Variants in ZBTB20 observed in about 807,000 individuals in gnomAD.
ZBTB20 encodes the protein zinc finger and BTB domain containing 20.
A neutral mutation model predicts 56.9 loss-of-function variants in ZBTB20; 9 were observed. The ratio of observed to expected loss-of-function variants is 0.16; its 90% CI spans 0.10 to 0.28. ZBTB20 has a LOEUF of 0.28. Among genes scored for constraint, ZBTB20 ranks in the 10% least tolerant of loss-of-function variants. The pLI is 1.00. For synonymous variants in ZBTB20, 417 were observed against 420.7 expected, an observed-to-expected ratio of 0.99 and a Z score of 0.11; for missense variants, 655 against 1,003.0, an observed-to-expected ratio of 0.65 and a Z score of 4.69.
chr3:114,500,783 CATTT>C (rs1326948399), intron 6 of ZBTB20, among the ~76,000 whole-genome samples: 1 of 152,152 alleles, frequency 6.6e-6, no homozygotes, highest in African/African-American at 2.4e-5. Context: ...AAAAGCTAAA[CATTT>C]AGTTCCTCAG....
At chr3:114,430,748 G>C (rs928385887) in intron 7 of ZBTB20, among the ~76,000 whole-genome samples, 40 of 152,168 alleles carry the variant, frequency 2.6e-4, no homozygotes, top group African/African-American at 9.4e-4. Context: ...TCAGTGCCAG[G>C]GAACATCATG....
chr3:114,652,077 A>T (rs2060164776), intron 6 of ZBTB20, among the ~76,000 whole-genome samples: 1 of 152,106 alleles, frequency 6.6e-6, no homozygotes, highest in Non-Finnish European at 1.5e-5. Flanking sequence ...AAATGTACAC[A>T]GAATGAGTTT....
At chr3:114,404,992 C>T (rs1207567972) in intron 7 of ZBTB20, among the ~76,000 whole-genome samples, 1 of 151,994 alleles carries the variant, frequency 6.6e-6, no homozygotes, top group Non-Finnish European at 1.5e-5. Flanking sequence ...GAAAATTAGT[C>T]CTTGTGATAA....
chr3:114,824,278 T>G (rs564723353), intron 4 of ZBTB20, among the ~76,000 whole-genome samples: 1 of 152,124 alleles, frequency 6.6e-6, no homozygotes, highest in African/African-American at 2.4e-5. Flanking sequence ...ATTTTGCATA[T>G]AGATCCCAAA....
intron 4 of ZBTB20, among the ~76,000 whole-genome samples, chr3:114,803,848 G>GT (rs1379949579): frequency 6.7e-6 from 1 of 148,414 alleles, no homozygotes; most frequent in East Asian, 2.0e-4. Context: ...AGATTTCAGA[G>GT]TATGTGTCAT....
chr3:114,351,586 C>G lies in ZBTB20; in HGVS notation c.492G>C (p.Arg164=). ...LIDFMYSGVL[R]VSQSEALQIL... ...TCTGCAGAGCTTCCGACTGCGAGAC[C>G]CGTAGCACGCCGCTGTACATGAAGT... Residue 164 remains arginine (R), a synonymous_variant, in exon 11 of 12, where the codon CGG becomes CGC. Transcript: ENST00000675478. The G allele has an allele frequency of 1.2e-6, 2 of 1,614,074 alleles. No homozygotes were observed. Among genetic ancestry groups the G allele is most frequent in the Non-Finnish European group, 1.7e-6 (2 of 1,180,034 alleles).
At chr3:114,988,071 C>A (rs958733687) in intron 2 of ZBTB20, among the ~76,000 whole-genome samples, 2 of 148,248 alleles carry the variant, frequency 1.3e-5, no homozygotes, top group African/African-American at 5.0e-5. Context: ...TTTCACATTG[C>A]AAGTGATGGT....
At chr3:114,596,632 T>C (rs1577850115) in intron 6 of ZBTB20, among the ~76,000 whole-genome samples, 2 of 152,154 alleles carry the variant, frequency 1.3e-5, no homozygotes, top group East Asian at 3.9e-4. Flanking sequence ...ACTATTGATG[T>C]ACACAGCCGG....
Position 114,765,877 on chromosome 3 carries a change from C to T in ZBTB20, c.-343+35224G>A, listed in dbSNP as rs1218917584. On this transcript the variant is annotated intron_variant, in intron 5 of 11. Transcript: ENST00000675478. Reference sequence around the variant, plus strand: ...TTTTTCCTAATCCAATGAGATGTTGCCATCTTTACTAAAAAGACAAACTGA... The same window carrying T: ...TTTTTCCTAATCCAATGAGATGTTGTCATCTTTACTAAAAAGACAAACTGA... 2.0e-5 allele frequency among the ~76,000 whole-genome samples: 3 copies of T among 152,090 alleles called. No individual in the cohort carries two copies. The East Asian group carries it at 5.8e-4, about 29-fold the overall frequency.
intron 7 of ZBTB20, among the ~76,000 whole-genome samples, chr3:114,499,752 C>G (rs1472385577): frequency 6.6e-6 from 1 of 151,808 alleles, no homozygotes; most frequent in Non-Finnish European, 1.5e-5. Context: ...CCCCCGAATA[C>G]CTTTCCATCT....
chr3:114,783,159 T>C (rs904449719), intron 5 of ZBTB20, among the ~76,000 whole-genome samples: 8 of 152,184 alleles, frequency 5.3e-5, no homozygotes, highest in African/African-American at 1.9e-4. Context: ...TTAATAATTA[T>C]AATGCAATAC....
At chr3:114,873,306 C>A (rs147040819) in intron 4 of ZBTB20, 1 of 151,900 alleles carries the variant, frequency 6.6e-6, no homozygotes, top group East Asian at 1.9e-4. Flanking sequence ...TCAAATAACA[C>A]GGTTTAGTGA....
intron 6 of ZBTB20, among the ~76,000 whole-genome samples, chr3:114,564,970 G>C (rs897667659): frequency 2.6e-5 from 4 of 152,102 alleles, no homozygotes; most frequent in Non-Finnish European, 4.4e-5. Context: ...CTGCTTGCCT[G>C]ACCTACATCT....
At chr3:115,022,762 TGGGTG>T (rs2080258652) in intron 2 of ZBTB20, among the ~76,000 whole-genome samples, 1 of 151,040 alleles carries the variant, frequency 6.6e-6, no homozygotes, top group South Asian at 2.1e-4. Flanking sequence ...CCATTTATCT[TGGGTG>T]GTTTTGTGCA....
chr3:114,488,632 T>C, intron 7 of ZBTB20, among the ~76,000 whole-genome samples: 1 of 152,200 alleles, frequency 6.6e-6, no homozygotes, highest in Non-Finnish European at 1.5e-5. Flanking sequence ...TCTTTTTTTG[T>C]TGGTGAAGAT....
At chr3:114,362,137 G>A (rs925211648) in intron 10 of ZBTB20, among the ~76,000 whole-genome samples, 6 of 152,086 alleles carry the variant, frequency 3.9e-5, no homozygotes, top group Admixed American at 1.3e-4. Flanking sequence ...AGAAAAATAC[G>A]GGAATTTTTT....
chr3:115,070,835 G>T (rs2082384672), intron 2 of ZBTB20, among the ~76,000 whole-genome samples: 1 of 151,432 alleles, frequency 6.6e-6, no homozygotes, highest in Non-Finnish European at 1.5e-5. Flanking sequence ...AATTAATAAA[G>T]AAATTAAGGT....
chr3:114,819,313 T>C (rs2073113692), intron 4 of ZBTB20, among the ~76,000 whole-genome samples: 1 of 151,920 alleles, frequency 6.6e-6, no homozygotes, highest in African/African-American at 2.4e-5. Context: ...TTCCAACAAA[T>C]ATTCCAATGA....
intron 7 of ZBTB20, among the ~76,000 whole-genome samples, chr3:114,458,498 G>T (rs999632122): frequency 7.9e-5 from 12 of 152,134 alleles, no homozygotes; most frequent in African/African-American, 2.9e-4. Flanking sequence ...CTTGGTGACA[G>T]AATTCCAATC....
Sources: gnomAD v4.1 joint callset for allele counts (sites outside exome capture counted in the v4.1 genomes callset) on GRCh38, gnomAD v4.1.1 for gene constraint, MANE v1.5 for transcripts, NCBI Gene and HGNC (gene_info 2026-07-23, HGNC 2026-07-21) for gene names.